PHLPP1: variants seen among roughly 807,000 people sequenced by gnomAD.
PHLPP1 encodes the protein PH domain leucine-rich repeat-containing protein phosphatase 1.
In PHLPP1, 42 loss-of-function variants were observed where a neutral mutation model predicts 117.2. The observed-to-expected ratio is 0.36, with a 90% CI of 0.28 to 0.46. The LOEUF is 0.46. Ranked by LOEUF, PHLPP1 falls within the 20% of genes least tolerant of loss-of-function variation. PHLPP1 has a pLI of 1.00. For synonymous variants in PHLPP1, 1,042 were observed against 970.7 expected, an observed-to-expected ratio of 1.07 and a Z score of -1.37; for missense variants, 2,084 against 2,241.9, an observed-to-expected ratio of 0.93 and a Z score of 1.42.
intron 13 of PHLPP1, 121 bp downstream of exon 13, chr18:62,958,880 A>C (rs1186344224): frequency 1.9e-6 from 2 of 1,073,834 alleles, no homozygotes; most frequent in African/African-American, 3.1e-5. Flanking sequence ...GTTAACACAC[A>C]CAACAGGATA....
At chr18:62,866,250 T>C (rs1216020913) in intron 4 of PHLPP1, among the ~76,000 whole-genome samples, 2 of 134,584 alleles carry the variant, frequency 1.5e-5, no homozygotes, top group African/African-American at 5.3e-5. Context: ...GTGTTTTTTG[T>C]TTTTTTTTTT....
At chr18:62,816,991 G>C (rs937655150) in intron 1 of PHLPP1, among the ~76,000 whole-genome samples, 3 of 152,168 alleles carry the variant, frequency 2.0e-5, no homozygotes, top group African/African-American at 7.2e-5. Context: ...GCCCAGGCTA[G>C]AGTGCAGTGG....
At chr18:62,826,158 G>GTTTT in intron 1 of PHLPP1, 12 of 276,830 alleles carry the variant, frequency 4.3e-5, no homozygotes, top group East Asian at 9.3e-5. Flanking sequence ...TTATTTATTT[G>GTTTT]TTTTTTTTTT....
chr18:62,877,788 A>T (rs1325920930), intron 4 of PHLPP1, among the ~76,000 whole-genome samples: 1 of 152,202 alleles, frequency 6.6e-6, no homozygotes, highest in Non-Finnish European at 1.5e-5. Context: ...CTCCGTGATT[A>T]TATAGCCTTT....
intron 1 of PHLPP1, among the ~76,000 whole-genome samples, chr18:62,763,534 A>G (rs138769627): frequency 8.1e-4 from 124 of 152,276 alleles, no homozygotes; most frequent in African/African-American, 2.9e-3. Context: ...GCTGTCGCTC[A>G]TCGCACCCTT....
Position 62,716,331 on chromosome 18 carries a change from G to T in PHLPP1, c.648G>T (p.Leu216=). The T allele has an allele frequency of 2.6e-6, 4 of 1,530,140 alleles. No individual in the cohort carries two copies. Among genetic ancestry groups the T allele is most frequent in the Non-Finnish European group, 3.5e-6 (4 of 1,144,848 alleles). 94.8% of individuals were successfully genotyped at this position (1,530,140 alleles called of 1,614,324 possible). A position where few individuals can be genotyped will look rare whatever the true frequency, so the allele number is the denominator to read the frequency against. ...ACCGCCACATGGCCTCGACCTACCT[G>T]CGCCCGGTGCTCTGCACACTGGACA... is the stretch of plus-strand genomic sequence containing the variant. ...VFDRHMASTY[L]RPVLCTLDTT... The change falls in exon 1 of 17, where the codon CTG becomes CTT. Residue 216 remains leucine, a synonymous_variant. Coordinates refer to ENST00000262719, the MANE Select transcript of PHLPP1 (RefSeq NM_194449.4). This position sits in a 1 kb window ranked among gnomAD's most constrained non-coding sequence, Gnocchi z 5.7.
At chr18:62,784,012 C>T (rs576059900) in intron 1 of PHLPP1, among the ~76,000 whole-genome samples, 3 of 151,476 alleles carry the variant, frequency 2.0e-5, no homozygotes, top group African/African-American at 7.2e-5. Flanking sequence ...GCTCAGAGCA[C>T]TTGTAACTCC....
At chr18:62,722,089 C>T (rs1910937652) in intron 1 of PHLPP1, among the ~76,000 whole-genome samples, 1 of 152,182 alleles carries the variant, frequency 6.6e-6, no homozygotes, top group Non-Finnish European at 1.5e-5. Flanking sequence ...CACATACACA[C>T]AGCGGCATTT....
At chr18:62,928,737 G>C (rs1039270401) in intron 10 of PHLPP1, among the ~76,000 whole-genome samples, 6 of 152,116 alleles carry the variant, frequency 3.9e-5, no homozygotes, top group African/African-American at 1.4e-4. Context: ...ATAACAACTG[G>C]AAAGTAGAAC....
At chr18:62,823,329 C>T (rs911813540) in intron 1 of PHLPP1, among the ~76,000 whole-genome samples, 3 of 151,928 alleles carry the variant, frequency 2.0e-5, no homozygotes, top group East Asian at 1.9e-4. Flanking sequence ...ACGTGGGGGC[C>T]GAGGTGGAAG....
intron 3 of PHLPP1, among the ~76,000 whole-genome samples, chr18:62,849,832 A>AAAATATATATAT (rs1555677083): frequency 6.0e-5 from 2 of 33,084 alleles, no homozygotes; most frequent in Non-Finnish European, 1.1e-4. Context: ...AAAAAAAAAA[A>AAAATATATATAT]ATATATATAT....
intron 1 of PHLPP1, among the ~76,000 whole-genome samples, chr18:62,785,652 G>A (rs1913259833): frequency 6.6e-6 from 1 of 152,188 alleles, no homozygotes; most frequent in Non-Finnish European, 1.5e-5. Context: ...TAATGCCAAA[G>A]GCTTTCTCCG....
In PHLPP1 at chr18:62,715,842, C is replaced by G. The variant is rs543794884; in HGVS notation, c.159C>G (p.Pro53=). ...AAAGGGRSPE[P]ALTPAAPSGG... ...CCGGGGGCGGCCGGAGTCCGGAGCCCGCGCTGACCCCGGCGGCCCCGAGCG... is the reference window on the plus strand; with the variant it reads ...CCGGGGGCGGCCGGAGTCCGGAGCCGGCGCTGACCCCGGCGGCCCCGAGCG... The change falls in exon 1 of 17, where the codon CCC becomes CCG. Residue 53 remains proline (P), a synonymous_variant. Transcript: ENST00000262719. 8.9e-3 allele frequency: 6,716 copies of G among 754,726 alleles called. 40 individuals carry two copies. The highest frequency in any genetic ancestry group is 1.0e-2 in the Non-Finnish European group (6,175 of 619,694). The allele number at this position is 754,726 out of a possible 1,614,324, so 46.8% of individuals were successfully genotyped here.
At chr18:62,918,860 A>T (rs908857388) in intron 9 of PHLPP1, among the ~76,000 whole-genome samples, 4 of 152,212 alleles carry the variant, frequency 2.6e-5, no homozygotes, top group Admixed American at 2.6e-4. Context: ...TCACAAAAAA[A>T]AAAAGATAAA....
chr18:62,912,127 G>T (rs1386159167), intron 8 of PHLPP1, among the ~76,000 whole-genome samples: 1 of 114,508 alleles, frequency 8.7e-6, no homozygotes, highest in Middle Eastern at 4.2e-3. Flanking sequence ...ACAGGAAGGG[G>T]AATATCACAC....
rs559562709 is a variant in PHLPP1 at position 62,946,723 on chromosome 18, A to T, written c.3324+1452A>T. Among the ~76,000 whole-genome samples, 132 of 152,336 alleles carry T rather than the reference A, an allele frequency of 8.7e-4. 1 individual carries two copies. Among genetic ancestry groups the T allele is most frequent in the Non-Finnish European group, 1.4e-3 (98 of 68,026 alleles). On this transcript the variant is annotated intron_variant, in intron 12 of 16. Transcript: ENST00000262719. The stretch of plus-strand genomic sequence containing the variant: ...CTTTGGGCTTTAAGAACACTGTCTC[A>T]TACATCACAGTGGCATTTTAAGATG...
intron 14 of PHLPP1, among the ~76,000 whole-genome samples, chr18:62,968,448 G>T (rs1402469198): frequency 6.9e-6 from 1 of 144,240 alleles, no homozygotes; most frequent in East Asian, 2.0e-4. Flanking sequence ...TTGGTAATTT[G>T]TGTCTTTCAA....
chr18:62,898,227 G>C (rs1193329069), intron 6 of PHLPP1, among the ~76,000 whole-genome samples: 1 of 152,096 alleles, frequency 6.6e-6, no homozygotes. Context: ...TAACTTCTTG[G>C]TTTTCCCTAT....
chr18:62,928,636 G>A (rs1445331397), intron 10 of PHLPP1, among the ~76,000 whole-genome samples: 1 of 152,088 alleles, frequency 6.6e-6, no homozygotes, highest in African/African-American at 2.4e-5. Flanking sequence ...ATATTACCCA[G>A]CAGTTCTACT....
Sources: gnomAD v4.1 joint callset for allele counts (sites outside exome capture counted in the v4.1 genomes callset) on GRCh38, gnomAD v4.1.1 for gene constraint, Gnocchi (gnomAD v3.1) non-coding constraint, MANE v1.5 for transcripts, NCBI Gene and HGNC (gene_info 2026-07-23, HGNC 2026-07-21) for gene names.